GBE1: variants seen among roughly 807,000 people sequenced by gnomAD.
GBE1 encodes the protein 1,4-alpha-glucan branching enzyme 1.
Under a neutral mutation model 88.8 loss-of-function variants are expected in GBE1, and 70 were observed. The observed-to-expected ratio is 0.79, with a 90% confidence interval of 0.65 to 0.96. The LOEUF is 0.96. GBE1 is among the 40% of genes least tolerant of loss of function. The pLI is 0.00. For missense variants in GBE1, 872 were observed against 871.0 expected, an observed-to-expected ratio of 1.00 and a Z score of -0.01; for synonymous variants, 284 against 300.1, an observed-to-expected ratio of 0.95 and a Z score of 0.56.
chr3:81,502,246 A>G (rs1166097338), intron 14 of GBE1, among the ~76,000 whole-genome samples: 1 of 152,186 alleles, frequency 6.6e-6, no homozygotes, highest in African/African-American at 2.4e-5. Flanking sequence ...CAGTAAAAGA[A>G]CAATTGCTAT....
intron 14 of GBE1, among the ~76,000 whole-genome samples, chr3:81,513,770 T>C (rs1702756781): frequency 6.6e-6 from 1 of 151,696 alleles, no homozygotes; most frequent in South Asian, 2.1e-4. Context: ...TGTTAAGCCT[T>C]GCATGCATGT....
intron 2 of GBE1, among the ~76,000 whole-genome samples, chr3:81,692,143 A>G (rs1200652429): frequency 6.6e-6 from 1 of 152,338 alleles, no homozygotes; most frequent in East Asian, 1.9e-4. Flanking sequence ...GGGCAAGTAC[A>G]GTGAGGACTG....
intron 2 of GBE1, among the ~76,000 whole-genome samples, chr3:81,686,643 C>G (rs1705445455): frequency 1.3e-5 from 2 of 151,992 alleles, no homozygotes; most frequent in Admixed American, 6.6e-5. Flanking sequence ...GTAATCCCAG[C>G]TCTCTGGAGG....
At chr3:81,614,876 A>G (rs1704228304) in intron 7 of GBE1, among the ~76,000 whole-genome samples, 1 of 151,774 alleles carries the variant, frequency 6.6e-6, no homozygotes, top group Non-Finnish European at 1.5e-5. Flanking sequence ...ATAAATAAGG[A>G]AAATTAGCTA....
At chr3:81,588,332 G>C (rs1210458891) in intron 9 of GBE1, among the ~76,000 whole-genome samples, 1 of 151,944 alleles carries the variant, frequency 6.6e-6, no homozygotes, top group African/African-American at 2.4e-5. Flanking sequence ...TTAAATATCA[G>C]GCACCATATT....
At chr3:81,716,114 T>A (rs1177737827) in intron 1 of GBE1, among the ~76,000 whole-genome samples, 1 of 152,144 alleles carries the variant, frequency 6.6e-6, no homozygotes, top group Non-Finnish European at 1.5e-5. Context: ...AATAAACACA[T>A]CCTCAGTCCA....
rs536147642 is a variant in GBE1 at position 81,676,192 on chromosome 3, A to C, written c.314-5239T>G. Among the ~76,000 whole-genome samples the C allele has an allele frequency of 2.6e-5, 4 of 152,216 alleles. No homozygotes were observed. The South Asian group carries it at 6.2e-4, about 24-fold the overall frequency. On this transcript the variant is annotated intron_variant, in intron 2 of 15. Coordinates refer to ENST00000429644, the MANE Select transcript of GBE1 (RefSeq NM_000158.4). ...TTAGTAGTTACGTTTTGGGGGAGTC[A>C]AAATTTATACTCAAACTTTTGAGTA...
At chr3:81,563,065 A>G (rs13082939) in intron 12 of GBE1, among the ~76,000 whole-genome samples, 20,357 of 152,068 alleles carry the variant, frequency 0.13, 1,958 homozygotes, top group East Asian at 0.37. Flanking sequence ...GATGACAGCC[A>G]TATAGCTCAC....
At chr3:81,556,007 T>C (rs1322238151) in intron 12 of GBE1, among the ~76,000 whole-genome samples, 1 of 152,122 alleles carries the variant, frequency 6.6e-6, no homozygotes, top group East Asian at 1.9e-4. Flanking sequence ...AGAGCTTTGA[T>C]CTGGACTATG....
intron 15 of GBE1, among the ~76,000 whole-genome samples, chr3:81,491,436 A>T (rs1057318329): frequency 6.6e-6 from 1 of 152,166 alleles, no homozygotes; most frequent in African/African-American, 2.4e-5. Context: ...TGACTGAATT[A>T]AAAAAATGAA....
chr3:81,577,096 A>G (rs1703658718), intron 12 of GBE1, among the ~76,000 whole-genome samples: 1 of 150,246 alleles, frequency 6.7e-6, no homozygotes, highest in South Asian at 2.1e-4. Flanking sequence ...GCACCACCAC[A>G]CCCAGCATTT....
chr3:81,570,105 T>A (rs567057647), intron 12 of GBE1, among the ~76,000 whole-genome samples: 9 of 152,316 alleles, frequency 5.9e-5, no homozygotes, highest in African/African-American at 2.2e-4. Flanking sequence ...CCACCATGAC[T>A]GGCCTGCTTA....
intron 7 of GBE1, among the ~76,000 whole-genome samples, chr3:81,614,676 G>A (rs193016706): frequency 1.6e-4 from 25 of 152,234 alleles, no homozygotes; most frequent in Admixed American, 4.6e-4. Flanking sequence ...TGGCCAACAT[G>A]GTGAAAACCC....
At chr3:81,562,291 C>T (rs1374774593) in intron 12 of GBE1, among the ~76,000 whole-genome samples, 1 of 152,106 alleles carries the variant, frequency 6.6e-6, no homozygotes, top group Non-Finnish European at 1.5e-5. Context: ...TGATAGACCA[C>T]AGTACAATAC....
intron 1 of GBE1, among the ~76,000 whole-genome samples, chr3:81,731,724 T>A (rs1488117740): frequency 6.6e-6 from 1 of 152,068 alleles, no homozygotes; most frequent in Non-Finnish European, 1.5e-5. Context: ...TTCACCCTCT[T>A]CCTCCTGCTC....
chr3:81,619,250 T>C lies in GBE1; in HGVS notation c.992+23531A>G, dbSNP rs192088223. 4.6e-5 allele frequency among the ~76,000 whole-genome samples: 7 copies of C among 152,252 alleles called. No homozygotes were observed. The East Asian group carries it at 1.4e-3, about 29-fold the overall frequency. On this transcript the variant is annotated intron_variant, in intron 7 of 15. Coordinates refer to ENST00000429644, the MANE Select transcript of GBE1 (RefSeq NM_000158.4). ...CTATAAAAAAAATTGTCCTTCATAT[T>C]ATCCAAGTCTTTATGAACTTGATCC... is the stretch of plus-strand genomic sequence containing the variant.
chr3:81,584,916 G>C (rs185946028), intron 10 of GBE1, among the ~76,000 whole-genome samples: 5 of 152,010 alleles, frequency 3.3e-5, no homozygotes, highest in Non-Finnish European at 7.4e-5. Context: ...TAAAAAGTAA[G>C]ATTTGTCACT....
chr3:81,677,293 T>C (rs909108968), intron 2 of GBE1, among the ~76,000 whole-genome samples: 1 of 152,136 alleles, frequency 6.6e-6, no homozygotes, highest in Non-Finnish European at 1.5e-5. Context: ...GTCTGGCAAA[T>C]GCAATAGGCG....
intron 12 of GBE1, among the ~76,000 whole-genome samples, chr3:81,545,799 T>G (rs1046670718): frequency 6.6e-6 from 1 of 152,178 alleles, no homozygotes; most frequent in East Asian, 1.9e-4. Context: ...TGTAGCATGA[T>G]GAAATCTTGT....
Sources: gnomAD v4.1 joint callset for allele counts (sites outside exome capture counted in the v4.1 genomes callset) on GRCh38, gnomAD v4.1.1 for gene constraint, MANE v1.5 for transcripts, NCBI Gene and HGNC (gene_info 2026-07-23, HGNC 2026-07-21) for gene names.